Variants in GABRG3 observed in about 807,000 individuals in gnomAD.
GABRG3 encodes the protein gamma-aminobutyric acid receptor subunit gamma-3.
GABRG3 carries 25 observed loss-of-function variants against 48.8 expected under a neutral mutation model. The ratio of observed to expected loss-of-function variants is 0.51; its 90% CI spans 0.37 to 0.72. The LOEUF (loss-of-function observed/expected upper bound fraction) is 0.72. GABRG3 is among the 30% of genes least tolerant of loss of function. The pLI is 0.00. For synonymous variants in GABRG3, 227 were observed against 217.6 expected (o/e 1.04, Z -0.38); for missense variants, 394 against 577.9 (o/e 0.68, Z 3.26).
chr15:27,286,643 G>A lies in GABRG3; in HGVS notation c.271-40166G>A, dbSNP rs993758300. Among the ~76,000 whole-genome samples the A allele has an allele frequency of 3.9e-5, 6 of 152,244 alleles. No homozygotes were observed. In the South Asian group the frequency reaches 6.2e-4, roughly 16 times the overall value. ...TTGTATTTATAGTGTTTGGGAAAATGGACAAGAAGCATCAATAATTCAGTC... is the reference window on the plus strand; with the variant it reads ...TTGTATTTATAGTGTTTGGGAAAATAGACAAGAAGCATCAATAATTCAGTC... On this transcript the variant is annotated intron_variant, in intron 3 of 9. Transcript: ENST00000615808.
chr15:27,192,495 C>A (rs1446651477), intron 3 of GABRG3, among the ~76,000 whole-genome samples: 1 of 152,122 alleles, frequency 6.6e-6, no homozygotes, highest in African/African-American at 2.4e-5. Context: ...TCGCTGATAC[C>A]CTTTCTTCCA....
At chr15:27,346,136 GAAAA>G (rs1312360799) in intron 5 of GABRG3, among the ~76,000 whole-genome samples, 8 of 150,408 alleles carry the variant, frequency 5.3e-5, no homozygotes, top group Admixed American at 1.3e-4. Flanking sequence ...AAGAAAGAAA[GAAAA>G]GAAAGAAGGA....
intron 3 of GABRG3, among the ~76,000 whole-genome samples, chr15:27,148,584 T>G (rs7178735): frequency 0.22 from 33,020 of 151,802 alleles, 4,529 homozygotes; most frequent in African/African-American, 0.37. Context: ...AATATACAAA[T>G]ACTGTTGCAA....
At position 27,156,373 on chromosome 15, in the gene GABRG3, T is replaced by G. The variant is rs551899367; in HGVS notation, c.270+129552T>G. 3.9e-5 allele frequency among the ~76,000 whole-genome samples: 6 copies of G among 151,924 alleles called. No individual in the cohort carries two copies. The East Asian group carries it at 9.7e-4, about 24-fold the overall frequency. On this transcript the variant is annotated intron_variant, in intron 3 of 9. Transcript: ENST00000615808. ...TTAGGATGCCCCTTTACTTGTCCTT[T>G]AACTAGAGAGAGCTGGCTTCTGTTG...
intron 3 of GABRG3, among the ~76,000 whole-genome samples, chr15:27,174,577 C>CTCTCG (rs1178163450): frequency 7.1e-5 from 10 of 140,970 alleles, no homozygotes; most frequent in African/African-American, 2.9e-4. Context: ...GACTGCCTCT[C>CTCTCG]TCTCTCGTCT....
At chr15:27,372,696 C>CT (rs1895454576) in intron 5 of GABRG3, among the ~76,000 whole-genome samples, 1 of 152,160 alleles carries the variant, frequency 6.6e-6, no homozygotes, top group Non-Finnish European at 1.5e-5. Flanking sequence ...CTTCTTAAAA[C>CT]TTAAGTCCAC....
rs867384053 is a variant in GABRG3, at chr15:27,235,708, G to A, written c.271-91101G>A. On this transcript the variant is annotated intron_variant, in intron 3 of 9. Transcript: ENST00000615808. Reference sequence around the variant, plus strand: ...CTGTATACATGGGCAATAAACCAGAGAAATGAAAGCAGATCTCAAGGGTAG... The same window carrying A: ...CTGTATACATGGGCAATAAACCAGAAAAATGAAAGCAGATCTCAAGGGTAG... Among the ~76,000 whole-genome samples, 16 of 152,258 alleles carry A rather than the reference G, an allele frequency of 1.1e-4. 1 individual carries two copies. In the South Asian group the frequency reaches 1.2e-3, roughly 12 times the overall value.
intron 2 of GABRG3, among the ~76,000 whole-genome samples, chr15:27,007,158 C>T (rs1427175221): frequency 6.6e-6 from 1 of 151,880 alleles, no homozygotes; most frequent in African/African-American, 2.4e-5. Flanking sequence ...TGGCTCACTG[C>T]AGCCTCTGCT....
At chr15:27,345,925 A>G (rs767168422) in intron 5 of GABRG3, among the ~76,000 whole-genome samples, 7 of 151,790 alleles carry the variant, frequency 4.6e-5, no homozygotes, top group Admixed American at 1.3e-4. Context: ...ATGGTGGCAC[A>G]CTCAGTAGTC....
chr15:27,508,702 T>G (rs1010953712), intron 6 of GABRG3, among the ~76,000 whole-genome samples: 8 of 151,998 alleles, frequency 5.3e-5, no homozygotes, highest in Admixed American at 1.3e-4. Context: ...TTGTTTTGTT[T>G]TTGTTGTTGT....
At chr15:27,281,653 G>C (rs1891437676) in intron 3 of GABRG3, among the ~76,000 whole-genome samples, 1 of 151,418 alleles carries the variant, frequency 6.6e-6, no homozygotes, top group Admixed American at 6.6e-5. Context: ...TTTAAATATA[G>C]AAATATTACT....
Position 27,381,045 on chromosome 15 carries a change from C to G in GABRG3, c.574+52157C>G, listed in dbSNP as rs530645197. Among the ~76,000 whole-genome samples, 200 of 152,152 alleles carry G rather than the reference C, an allele frequency of 1.3e-3. 1 individual carries two copies. The highest frequency in any genetic ancestry group is 1.9e-3 in the Non-Finnish European group (131 of 67,980). The stretch of plus-strand genomic sequence containing the variant: ...CTCCCAAAGTGCTAGGATTACAGGC[C>G]TGAGCCACCGCGCCTGGCCTCTGTG... On this transcript the variant is annotated intron_variant, in intron 5 of 9. Transcript: ENST00000615808.
chr15:27,389,912 G>A (rs112269324), intron 5 of GABRG3, among the ~76,000 whole-genome samples: 53 of 152,286 alleles, frequency 3.5e-4, no homozygotes, highest in African/African-American at 1.3e-3. Context: ...CATAAAAACT[G>A]TCATAAAGTT....
At position 27,178,488 on chromosome 15, in the gene GABRG3, A is replaced by G. The variant is rs540613574; in HGVS notation, c.271-148321A>G. On this transcript the variant is annotated intron_variant, in intron 3 of 9. Transcript: ENST00000615808. ...TTGGTAAATGAACTGTACGGGGCCA[A>G]GGAAGAGCTTTCTCTTTGGCTCTCC... Among the ~76,000 whole-genome samples, 8 of 152,332 alleles carry G rather than the reference A, an allele frequency of 5.3e-5. No individual in the cohort carries two copies. The East Asian group carries it at 1.5e-3, about 29-fold the overall frequency.
chr15:27,502,340 A>T (rs984848579), intron 6 of GABRG3, among the ~76,000 whole-genome samples: 1 of 152,212 alleles, frequency 6.6e-6, no homozygotes, highest in African/African-American at 2.4e-5. Flanking sequence ...GTAAGAAAAA[A>T]TACTGAGATC....
At chr15:27,177,089 G>T (rs1349651963) in intron 3 of GABRG3, among the ~76,000 whole-genome samples, 2 of 152,104 alleles carry the variant, frequency 1.3e-5, no homozygotes, top group East Asian at 3.9e-4. Flanking sequence ...AGGATAACTT[G>T]ATGTGCAGGG....
At chr15:27,109,916 T>TA (rs34429305) in intron 3 of GABRG3, among the ~76,000 whole-genome samples, 39,961 of 152,024 alleles carry the variant, frequency 0.26, 6,217 homozygotes, top group African/African-American at 0.42. Context: ...ATGGTTTTCT[T>TA]AAAAACAGCA....
At chr15:27,097,951 T>A (rs182745802) in intron 3 of GABRG3, among the ~76,000 whole-genome samples, 1,954 of 146,602 alleles carry the variant, frequency 0.013, 24 homozygotes, top group South Asian at 0.024. Flanking sequence ...TTTTTTTTTT[T>A]AAATCAGATG....
chr15:27,344,688 A>C (rs1175405439), intron 5 of GABRG3, among the ~76,000 whole-genome samples: 2 of 143,416 alleles, frequency 1.4e-5, no homozygotes, highest in African/African-American at 5.2e-5. Flanking sequence ...TGATTAACTA[A>C]TTGGGAAATT....
Sources: allele counts gnomAD v4.1 joint callset (sites outside exome capture counted in the v4.1 genomes callset), GRCh38; gene constraint gnomAD v4.1.1; transcripts MANE v1.5; gene names NCBI Gene and HGNC (gene_info 2026-07-23, HGNC 2026-07-21).